Variants in ANO1 observed in about 807,000 individuals in gnomAD.
ANO1 encodes the protein anoctamin 1, also known as anoctamin-1.
Under a neutral mutation model 124.0 loss-of-function variants are expected in ANO1, and 59 were observed. The ratio of observed to expected loss-of-function variants is 0.48; its 90% CI spans 0.39 to 0.59. The LOEUF (loss-of-function observed/expected upper bound fraction) is 0.59. Among genes scored for constraint, ANO1 ranks in the 20% least tolerant of loss-of-function variants. The pLI is 0.00. For missense variants in ANO1, 1,059 were observed against 1,328.0 expected (o/e 0.80, Z 3.15); for synonymous variants, 529 against 532.0 (o/e 0.99, Z 0.08).
chr11:70,105,611 C>A, intron 4 of ANO1, 123 bp from the exon 5 acceptor site: 1 of 906,024 alleles, frequency 1.1e-6, no homozygotes, highest in Non-Finnish European at 1.8e-6. Flanking sequence ...GGCGTGCGGA[C>A]AGAGTTCTGT....
chr11:70,030,457 C>T (rs1457559816), intron 1 of ANO1, among the ~76,000 whole-genome samples: 1 of 152,202 alleles, frequency 6.6e-6, no homozygotes, highest in Admixed American at 6.5e-5. Context: ...TCATTCTTTT[C>T]AGCCCTGGAG....
chr11:70,116,356 C>A, intron 7 of ANO1, 102 bp from the exon 8 acceptor site: 1 of 1,205,656 alleles, frequency 8.3e-7, no homozygotes, highest in Non-Finnish European at 1.2e-6. Flanking sequence ...TAATTTGTGT[C>A]AACGAGAGCT....
chr11:70,157,055 A>C, intron 16 of ANO1, 34 bp downstream of exon 16: 1 of 1,588,128 alleles, frequency 6.3e-7, no homozygotes, highest in African/African-American at 1.3e-5. Context: ...AGACGAAGTC[A>C]GGGGAAACCG....
intron 1 of ANO1, among the ~76,000 whole-genome samples, chr11:70,032,403 G>T (rs1037144435): frequency 6.6e-6 from 1 of 152,162 alleles, no homozygotes; most frequent in African/African-American, 2.4e-5. Context: ...TACCTCAAAG[G>T]CCCAGGGCAG....
the ANO1 span, among the ~76,000 whole-genome samples, chr11:69,978,579 G>GA: frequency 2.6e-5 from 4 of 152,196 alleles, no homozygotes; most frequent in African/African-American, 9.6e-5. Flanking sequence ...TCCAAATCCT[G>GA]ACCTTAAGCA....
Position 70,117,073 on chromosome 11 carries a change from C to T in ANO1, c.897+574C>T, listed in dbSNP as rs780420782. Among the ~76,000 whole-genome samples the T allele has an allele frequency of 2.0e-3, 306 of 150,750 alleles. 6 individuals carry two copies. Among genetic ancestry groups the T allele is most frequent in the Non-Finnish European group, 8.1e-4 (55 of 67,854 alleles). ...ACACTTTGGGAAACACTGGGTGACC[C>T]CTTTATTCTTTTTTCTTTGTTTCTT... On this transcript the variant is annotated intron_variant, in intron 8 of 25. Coordinates refer to ENST00000355303, the MANE Select transcript of ANO1 (RefSeq NM_018043.7).
chr11:70,102,876 T>C (rs1183754958), intron 2 of ANO1, among the ~76,000 whole-genome samples, 190 bp from the exon 3 acceptor site: 1 of 152,176 alleles, frequency 6.6e-6, no homozygotes, highest in Non-Finnish European at 1.5e-5. Context: ...CCCCCTGCAC[T>C]TCCTCCCACC....
chr11:70,169,263 T>C (rs951142434), intron 21 of ANO1, among the ~76,000 whole-genome samples: 1 of 152,240 alleles, frequency 6.6e-6, no homozygotes, highest in Admixed American at 6.5e-5. Flanking sequence ...AGGCGCCTCC[T>C]GCCCACATAC....
chr11:70,136,595 G>A (rs796706290), intron 11 of ANO1, among the ~76,000 whole-genome samples: 8 of 147,712 alleles, frequency 5.4e-5, no homozygotes, highest in African/African-American at 1.5e-4. Flanking sequence ...GCAAGCCTCT[G>A]TGAGCAAGTG....
chr11:70,146,593 G>A (rs971351809), intron 11 of ANO1, among the ~76,000 whole-genome samples: 10 of 152,102 alleles, frequency 6.6e-5, no homozygotes, highest in Admixed American at 2.0e-4. Flanking sequence ...CAGGAGAATC[G>A]ACTACTCACA....
intron 2 of ANO1, among the ~76,000 whole-genome samples, chr11:70,101,666 T>C (rs559181045): frequency 6.8e-4 from 101 of 149,192 alleles, no homozygotes; most frequent in Non-Finnish European, 9.3e-4. Flanking sequence ...AATGAACCTA[T>C]GTACTTGTGT....
intron 21 of ANO1, among the ~76,000 whole-genome samples, chr11:70,170,461 G>A (rs2048418919): frequency 6.6e-6 from 1 of 152,194 alleles, no homozygotes; most frequent in Non-Finnish European, 1.5e-5. Flanking sequence ...TCATAGTGGT[G>A]CATGCCTGTG....
At chr11:70,035,849 T>C (rs1406859098) in intron 1 of ANO1, among the ~76,000 whole-genome samples, 4 of 152,186 alleles carry the variant, frequency 2.6e-5, no homozygotes, top group Admixed American at 2.6e-4. Context: ...GCAAAGCATA[T>C]GGACTCATTC....
At chr11:70,180,281 T>C (rs2048881972) in intron 23 of ANO1, among the ~76,000 whole-genome samples, 1 of 151,948 alleles carries the variant, frequency 6.6e-6, no homozygotes, top group African/African-American at 2.4e-5. Flanking sequence ...TCTGCAAGTT[T>C]TTTTTTTTTG....
chr11:70,180,719 CAGAG>C (rs1479411342), intron 23 of ANO1, among the ~76,000 whole-genome samples: 2 of 152,130 alleles, frequency 1.3e-5, no homozygotes, highest in East Asian at 1.9e-4. Context: ...AAGACAGAGA[CAGAG>C]GGAGAGAAAC....
intron 19 of ANO1, among the ~76,000 whole-genome samples, chr11:70,164,879 C>T (rs1330522486): frequency 6.6e-6 from 1 of 152,152 alleles, no homozygotes; most frequent in African/African-American, 2.4e-5. Context: ...CCCTGCCCCA[C>T]CCCTGCTTAC....
intron 1 of ANO1, chr11:70,085,277 TG>T: frequency 1.9e-6 from 2 of 1,068,638 alleles, no homozygotes; most frequent in Non-Finnish European, 2.6e-6. Context: ...GGGCTGGGCA[TG>T]GGAACCCACT....
chr11:70,035,800 T>C (rs1490679268), intron 1 of ANO1, among the ~76,000 whole-genome samples: 1 of 152,156 alleles, frequency 6.6e-6, no homozygotes. Context: ...CTGTGTTAGT[T>C]TGCTGAGAAT....
intron 1 of ANO1, among the ~76,000 whole-genome samples, chr11:70,005,623 A>T (rs1856470207): frequency 1.3e-5 from 2 of 152,198 alleles, no homozygotes; most frequent in African/African-American, 4.8e-5. Context: ...TTCTATAAAT[A>T]AAGCCATGTC....
Sources: allele counts gnomAD v4.1 joint callset (sites outside exome capture counted in the v4.1 genomes callset), GRCh38; gene constraint gnomAD v4.1.1; transcripts MANE v1.5; gene names NCBI Gene and HGNC (gene_info 2026-07-23, HGNC 2026-07-21).